ZDHHC14: variants seen among roughly 807,000 people sequenced by gnomAD.
The protein encoded by ZDHHC14 is zDHHC palmitoyltransferase 14.
ZDHHC14 carries 16 observed loss-of-function variants against 47.7 expected under a neutral mutation model. That is an observed-to-expected ratio of 0.34 (90% CI 0.23 to 0.51). ZDHHC14 has a LOEUF of 0.51. Among genes scored for constraint, ZDHHC14 ranks in the 20% least tolerant of loss-of-function variants. The pLI is 0.97. For missense variants in ZDHHC14, 515 were observed against 662.5 expected (o/e 0.78, Z 2.44); for synonymous variants, 293 against 278.9 (o/e 1.05, Z -0.50).
At chr6:157,598,510 C>T (rs917755159) in intron 3 of ZDHHC14, among the ~76,000 whole-genome samples, 9 of 152,110 alleles carry the variant, frequency 5.9e-5, no homozygotes, top group African/African-American at 2.2e-4. Context: ...TAAGAGCAGA[C>T]CAAGGAGAAC....
At chr6:157,619,229 A>G (rs1785084987) in intron 3 of ZDHHC14, among the ~76,000 whole-genome samples, 1 of 151,944 alleles carries the variant, frequency 6.6e-6, no homozygotes, top group Non-Finnish European at 1.5e-5. Flanking sequence ...AAAAATTAAA[A>G]AAAAAAAAAA....
chr6:157,467,005 A>G (rs140637235), intron 1 of ZDHHC14, among the ~76,000 whole-genome samples: 3,365 of 152,146 alleles, frequency 0.022, 46 homozygotes, highest in Non-Finnish European at 0.034. Flanking sequence ...ACCCTTGTCT[A>G]TGCCTTTCCA....
intron 1 of ZDHHC14, among the ~76,000 whole-genome samples, chr6:157,389,830 T>C (rs1562406284): frequency 1.3e-5 from 2 of 152,110 alleles, no homozygotes; most frequent in African/African-American, 4.8e-5. Flanking sequence ...AAGCCAGTAA[T>C]GTTATTATTT....
chr6:157,422,021 T>A (rs781631697), intron 1 of ZDHHC14, among the ~76,000 whole-genome samples: 1 of 152,216 alleles, frequency 6.6e-6, no homozygotes, highest in African/African-American at 2.4e-5. Context: ...GGGCAGGCGA[T>A]TTAGCTCCAC....
At chr6:157,645,586 C>G in intron 5 of ZDHHC14, 151 bp from the exon 6 acceptor site, 1 of 612,230 alleles carries the variant, frequency 1.6e-6, no homozygotes, top group Non-Finnish European at 2.8e-6. Context: ...ACGAAATTCC[C>G]GGAAGAGCAG....
At chr6:157,550,393 A>ACG (rs1782176181) in intron 2 of ZDHHC14, among the ~76,000 whole-genome samples, 1 of 151,566 alleles carries the variant, frequency 6.6e-6, no homozygotes. Context: ...GAGAGACTGC[A>ACG]GTGTCACACA....
At chr6:157,495,994 TGCACCCG>T (rs889957818) in intron 1 of ZDHHC14, among the ~76,000 whole-genome samples, 1 of 152,156 alleles carries the variant, frequency 6.6e-6, no homozygotes, top group Non-Finnish European at 1.5e-5. Flanking sequence ...TGTGAGCCAC[TGCACCCG>T]GCCTTGGGTT....
rs769250871 is a variant in ZDHHC14, at chr6:157,628,342, A to G, written c.566-7A>G. 2 of 1,564,130 alleles carry G rather than the reference A, an allele frequency of 1.3e-6. No homozygotes were observed. Among genetic ancestry groups the G allele is most frequent in the African/African-American group, 2.8e-5 (2 of 70,856 alleles). On this transcript the variant is annotated splice_region_variant and splice_polypyrimidine_tract_variant and intron_variant, in intron 3 of 8. Coordinates refer to ENST00000359775, the MANE Select transcript of ZDHHC14 (RefSeq NM_024630.3). ...CACTTTTTTTTTTTTTCTGCCTCTC[A>G]TTTCAGAACGGTTTGATCACCACTG...
At chr6:157,476,951 T>C (rs1779500112) in intron 1 of ZDHHC14, among the ~76,000 whole-genome samples, 1 of 152,172 alleles carries the variant, frequency 6.6e-6, no homozygotes. Context: ...TCATACTCAG[T>C]GGAGAAAGGT....
intron 1 of ZDHHC14, among the ~76,000 whole-genome samples, chr6:157,509,936 TCTC>T (rs1182303331): frequency 1.3e-5 from 2 of 152,184 alleles, no homozygotes; most frequent in Non-Finnish European, 2.9e-5. Context: ...CTCACTTCCC[TCTC>T]CTCTGTTAAA....
intron 1 of ZDHHC14, among the ~76,000 whole-genome samples, chr6:157,391,760 C>T (rs1449787699): frequency 1.3e-5 from 2 of 152,174 alleles, no homozygotes; most frequent in Admixed American, 6.5e-5. Flanking sequence ...ATTCTCAGCT[C>T]CCTGACAGAT....
At chr6:157,514,269 C>A (rs376240588) in intron 1 of ZDHHC14, among the ~76,000 whole-genome samples, 1 of 152,206 alleles carries the variant, frequency 6.6e-6, no homozygotes, top group Non-Finnish European at 1.5e-5. Flanking sequence ...AGCCAGCTCA[C>A]GGCCATGCGG....
At chr6:157,418,711 C>A (rs1778036606) in intron 1 of ZDHHC14, among the ~76,000 whole-genome samples, 1 of 152,170 alleles carries the variant, frequency 6.6e-6, no homozygotes, top group Non-Finnish European at 1.5e-5. Flanking sequence ...CAACCCATTC[C>A]CCATCTCTCA....
chr6:157,558,240 A>G (rs1782559113), intron 2 of ZDHHC14, among the ~76,000 whole-genome samples: 1 of 152,166 alleles, frequency 6.6e-6, no homozygotes, highest in Non-Finnish European at 1.5e-5. Flanking sequence ...AAACTCCTCA[A>G]CCGACATGCT....
At chr6:157,628,518 G>A (rs780359960) in intron 4 of ZDHHC14, 32 bp downstream of exon 4, 2 of 1,590,368 alleles carry the variant, frequency 1.3e-6, no homozygotes, top group Non-Finnish European at 1.7e-6. Context: ...GATTACGTAT[G>A]TAACCATTTG....
At chr6:157,644,593 A>G (rs1777429122) in intron 5 of ZDHHC14, among the ~76,000 whole-genome samples, 1 of 152,244 alleles carries the variant, frequency 6.6e-6, no homozygotes, top group African/African-American at 2.4e-5. Flanking sequence ...TAACCATGGC[A>G]CAGCAGACCA....
chr6:157,626,991 TCAGCTTATCACCAAG>T (rs1785458142), intron 3 of ZDHHC14, among the ~76,000 whole-genome samples: 1 of 151,852 alleles, frequency 6.6e-6, no homozygotes, highest in South Asian at 2.1e-4. Flanking sequence ...TTATAGGCCA[TCAGCTTATCACCAAG>T]CCAGGGAGCT....
intron 1 of ZDHHC14, among the ~76,000 whole-genome samples, chr6:157,510,171 A>C (rs1478322048): frequency 6.6e-6 from 1 of 152,136 alleles, no homozygotes; most frequent in African/African-American, 2.4e-5. Context: ...TTGAACCCGG[A>C]GGCTGGAAGT....
intron 5 of ZDHHC14, among the ~76,000 whole-genome samples, chr6:157,635,550 G>C (rs192108613): frequency 3.3e-5 from 5 of 152,340 alleles, no homozygotes; most frequent in Non-Finnish European, 5.9e-5. Flanking sequence ...AGTTATTCAG[G>C]AAATACAGGA....
Sources: allele counts gnomAD v4.1 joint callset (sites outside exome capture counted in the v4.1 genomes callset), GRCh38; gene constraint gnomAD v4.1.1; transcripts MANE v1.5; gene names NCBI Gene and HGNC (gene_info 2026-07-23, HGNC 2026-07-21).